Variants in GSDMA observed in about 807,000 individuals in gnomAD.
The protein encoded by GSDMA is gasdermin-A.
GSDMA carries 55 observed loss-of-function variants against 54.3 expected under a neutral mutation model. The observed-to-expected ratio is 1.01, with a 90% CI of 0.82 to 1.27. The LOEUF is 1.27. Among genes scored for constraint, GSDMA ranks in the 50% most tolerant of loss-of-function variants. The pLI is 0.00. For missense variants in GSDMA, 542 were observed against 542.6 expected (o/e 1.00, Z 0.01); for synonymous variants, 211 against 224.7 (o/e 0.94, Z 0.54).
Position 39,972,633 on chromosome 17 carries a change from C to T in GSDMA, c.730+20C>T. On this transcript the variant is annotated intron_variant, in intron 7 of 11. Transcript: ENST00000301659. ...TCATCCGTAAGTGTTTCCTTTCATTCCACTGAAACTTTCTTGACTCCAAAT... is the reference window on the plus strand; with the variant it reads ...TCATCCGTAAGTGTTTCCTTTCATTTCACTGAAACTTTCTTGACTCCAAAT... 6.2e-7 allele frequency: 1 copy of T among 1,607,112 alleles called. No individual in the cohort carries two copies. Among genetic ancestry groups the T allele is most frequent in the Non-Finnish European group, 8.5e-7 (1 of 1,175,450 alleles).
At chr17:39,970,335 G>T in intron 3 of GSDMA, 147 bp from the exon 4 acceptor site, 1 of 588,772 alleles carries the variant, frequency 1.7e-6, no homozygotes. Flanking sequence ...ATGAGATCTG[G>T]GTTTCAACCT....
At chr17:39,972,554 G>T (rs373215053) in intron 6 of GSDMA, 33 bp from the exon 7 acceptor site, 2 of 1,609,694 alleles carry the variant, frequency 1.2e-6, no homozygotes, top group African/African-American at 1.3e-5. Flanking sequence ...AATGGGTTTT[G>T]TGCTGACAGA....
Position 39,977,287 on chromosome 17 carries a change from C to CTTT in GSDMA, c.*231_*233dup, listed in dbSNP as rs1245637112. 68 of 296,372 alleles carry CTTT rather than the reference C, an allele frequency of 2.3e-4. 14 individuals are homozygous for CTTT. The highest frequency in any genetic ancestry group is 4.5e-4 in the African/African-American group (16 of 35,294). 18.4% of individuals were successfully genotyped at this position (296,372 alleles called of 1,614,324 possible). A position where few individuals can be genotyped will look rare whatever the true frequency, so the allele number is the denominator to read the frequency against. Reference sequence around the variant, plus strand: ...TGATGCTTAAATTTTCTTTACTTTTCTTTTCTTTTTTTTTTTTTTTTTGAG... The same window carrying CTTT: ...TGATGCTTAAATTTTCTTTACTTTTCTTTTTTTCTTTTTTTTTTTTTTTTTGAG... On this transcript the variant is annotated 3_prime_UTR_variant, in exon 12 of 12. Coordinates refer to ENST00000301659, the MANE Select transcript of GSDMA (RefSeq NM_178171.5).
In GSDMA at chr17:39,972,576, TC is replaced by T. The variant is rs781536175; in HGVS notation, c.704-10del. 1 of 1,612,834 alleles carries T rather than the reference TC, an allele frequency of 6.2e-7. No individual in the cohort carries two copies. Among genetic ancestry groups the T allele is most frequent in the Non-Finnish European group, 8.5e-7 (1 of 1,179,350 alleles). Reference sequence around the variant, plus strand: ...TTTGTGCTGACAGATGTGCATTTTTTCTGTCTTCAGAAAAGTCAGGAGAGGA... The same window carrying T: ...TTTGTGCTGACAGATGTGCATTTTTTTGTCTTCAGAAAAGTCAGGAGAGGA... On this transcript the variant is annotated splice_polypyrimidine_tract_variant and intron_variant, in intron 6 of 11. Transcript: ENST00000301659.
At chr17:39,976,438 C>A (rs1980204117) in intron 11 of GSDMA, among the ~76,000 whole-genome samples, 1 of 152,070 alleles carries the variant, frequency 6.6e-6, no homozygotes, top group Admixed American at 6.5e-5. Context: ...ACCACCACAC[C>A]CTGCTAATTT....
Position 39,965,843 on chromosome 17 carries a change from G to A in GSDMA, c.156G>A (p.Arg52=). 6.4e-7 allele frequency: 1 copy of A among 1,573,336 alleles called. No homozygotes were observed. Among genetic ancestry groups the A allele is most frequent in the Non-Finnish European group, 8.6e-7 (1 of 1,159,912 alleles). Residue 52 remains arginine (R), a synonymous_variant, in exon 2 of 12, where the codon CGG becomes CGA. Transcript: ENST00000301659. ...AGAGCACGCTCTTCTGGGGGGCCCG[G>A]TACGTCCGCACCGACTACACGCTGC... ...KRKSTLFWGA[R]YVRTDYTLLD...
chr17:39,972,546 T>C, intron 6 of GSDMA, 41 bp from the exon 7 acceptor site: 1 of 1,605,784 alleles, frequency 6.2e-7, no homozygotes, highest in Non-Finnish European at 8.5e-7. Context: ...AAGGCAAAAA[T>C]GGGTTTTGTG....
intron 7 of GSDMA, among the ~76,000 whole-genome samples, chr17:39,973,143 T>C (rs1463957573): frequency 2.0e-5 from 3 of 152,040 alleles, no homozygotes; most frequent in African/African-American, 4.8e-5. Context: ...TGCTAATTTT[T>C]TGTATTTTTA....
rs561611739 is a variant in GSDMA at position 39,972,401 on chromosome 17, G to C, written c.704-186G>C. Among the ~76,000 whole-genome samples, 89 of 152,316 alleles carry C rather than the reference G, an allele frequency of 5.8e-4. 1 individual carries two copies. The South Asian group carries it at 0.018, about 30-fold the overall frequency. On this transcript the variant is annotated intron_variant, in intron 6 of 11. Coordinates refer to ENST00000301659, the MANE Select transcript of GSDMA (RefSeq NM_178171.5). ...GAAACTGACAGACAGAGACCGGAAG[G>C]CACAGTCAGAAGCAGAAGTAAGACT...
At position 39,977,115 on chromosome 17, in the gene GSDMA, G is replaced by C. The variant is rs992510364; in HGVS notation, c.*57G>C. The C allele has an allele frequency of 1.3e-6, 2 of 1,593,702 alleles. No homozygotes were observed. Among genetic ancestry groups the C allele is most frequent in the Non-Finnish European group, 1.7e-6 (2 of 1,166,862 alleles). Reference sequence around the variant, plus strand: ...AATGCCTTCCCAACCTCGTGGTGCTGTGTCCTTACCACCTAAGGGCATTTC... The same window carrying C: ...AATGCCTTCCCAACCTCGTGGTGCTCTGTCCTTACCACCTAAGGGCATTTC... On this transcript the variant is annotated 3_prime_UTR_variant, in exon 12 of 12. Coordinates refer to ENST00000301659, the MANE Select transcript of GSDMA (RefSeq NM_178171.5).
Position 39,965,680 on chromosome 17 carries a change from C to T in GSDMA, c.-5-3C>T, listed in dbSNP as rs376869752. ...ACACTCTCCTGTCTCCCCACCTCCACAGAGACAATGACCATGTTTGAAAAT... is the reference window on the plus strand; with the variant it reads ...ACACTCTCCTGTCTCCCCACCTCCATAGAGACAATGACCATGTTTGAAAAT... On this transcript the variant is annotated splice_region_variant and splice_polypyrimidine_tract_variant and intron_variant, in intron 1 of 11. Transcript: ENST00000301659. The T allele has an allele frequency of 2.5e-6, 4 of 1,594,548 alleles. No homozygotes were observed. Among genetic ancestry groups the T allele is most frequent in the Non-Finnish European group, 3.4e-6 (4 of 1,170,546 alleles).
At chr17:39,976,116 A>G (rs1211167095) in intron 11 of GSDMA, 119 bp downstream of exon 11, 3 of 631,394 alleles carry the variant, frequency 4.8e-6, no homozygotes, top group South Asian at 2.1e-5. Context: ...CCAGGGGCTT[A>G]TGCCCACTCC....
chr17:39,972,105 CCCT>C, intron 5 of GSDMA, 21 bp from the exon 6 acceptor site: 2 of 998,986 alleles, frequency 2.0e-6, no homozygotes, highest in African/African-American at 1.6e-5. Flanking sequence ...TGTCCTCCCA[CCCT>C]CCCTCCCTTG....
At chr17:39,971,381 A>C (rs1215082408) in intron 4 of GSDMA, 143 bp from the exon 5 acceptor site, 14 of 625,468 alleles carry the variant, frequency 2.2e-5, no homozygotes, top group Non-Finnish European at 3.7e-5. Flanking sequence ...CAGAGTCCAG[A>C]CCAGGGACAC....
At chr17:39,968,268 G>A (rs1378821219) in intron 3 of GSDMA, among the ~76,000 whole-genome samples, 1 of 149,466 alleles carries the variant, frequency 6.7e-6, no homozygotes, top group Non-Finnish European at 1.5e-5. Context: ...TTGTACTCCT[G>A]ACCTGAGGTG....
At chr17:39,966,944 C>T (rs1979697036) in intron 3 of GSDMA, among the ~76,000 whole-genome samples, 1 of 152,140 alleles carries the variant, frequency 6.6e-6, no homozygotes, top group South Asian at 2.1e-4. Flanking sequence ...GGAATGCTGC[C>T]CCACAGCACA....
At chr17:39,972,104 A>ACCCCCCCCC in intron 5 of GSDMA, 25 bp from the exon 6 acceptor site, 1 of 348,170 alleles carries the variant, frequency 2.9e-6, no homozygotes, top group South Asian at 2.3e-5. Flanking sequence ...GTGTCCTCCC[A>ACCCCCCCCC]CCCTCCCTCC....
Position 39,977,323 on chromosome 17 carries a change from ACT to A in GSDMA, c.*268_*269del, listed in dbSNP as rs377447368. 2,246 of 318,376 alleles carry A rather than the reference ACT, an allele frequency of 7.1e-3. 73 individuals carry two copies. The highest frequency in any genetic ancestry group is 0.058 in the African/African-American group (2,069 of 35,958). 19.7% of individuals were successfully genotyped at this position (318,376 alleles called of 1,614,324 possible). A position where few individuals can be genotyped will look rare whatever the true frequency, so the allele number is the denominator to read the frequency against. ...TTTTTTTTTTTTGAGATGGAGGCTC[ACT>A]CTGTCACCCAGGCTGGAGTGCAGTG... On this transcript the variant is annotated 3_prime_UTR_variant, in exon 12 of 12. Transcript: ENST00000301659.
intron 3 of GSDMA, among the ~76,000 whole-genome samples, chr17:39,970,229 C>T (rs567549435): frequency 4.6e-5 from 7 of 152,276 alleles, no homozygotes; most frequent in African/African-American, 7.2e-5. Context: ...GCCCAATTAC[C>T]GAGTTTATCT....
Sources: allele counts gnomAD v4.1 joint callset (sites outside exome capture counted in the v4.1 genomes callset), GRCh38; gene constraint gnomAD v4.1.1; transcripts MANE v1.5; gene names NCBI Gene and HGNC (gene_info 2026-07-23, HGNC 2026-07-21).